The following DIP2C variants were observed in gnomAD, a reference collection of about 807,000 sequenced individuals.
DIP2C encodes DIP2 acetate--CoA ligase C (putative).
A neutral mutation model predicts 192.4 loss-of-function variants in DIP2C; 33 were observed. The ratio of observed to expected loss-of-function variants is 0.17; its 90% CI spans 0.13 to 0.23. The LOEUF (loss-of-function observed/expected upper bound fraction) is 0.23. Ranked by LOEUF, DIP2C falls within the 10% of genes least tolerant of loss-of-function variation. The pLI, the probability that DIP2C is intolerant of heterozygous loss-of-function variation, is 1.00. For missense variants in DIP2C, 1,537 were observed against 2,110.1 expected, an observed-to-expected ratio of 0.73 and a Z score of 5.32; for synonymous variants, 979 against 864.1, an observed-to-expected ratio of 1.13 and a Z score of -2.33.
chr10:671,599 G>A (rs1259939430), intron 1 of DIP2C, among the ~76,000 whole-genome samples: 4 of 77,322 alleles, frequency 5.2e-5, no homozygotes, highest in African/African-American at 2.5e-4. Context: ...CGTCACAGAC[G>A]CACCGACGGA....
chr10:612,951 T>C (rs1853200863), intron 1 of DIP2C, among the ~76,000 whole-genome samples: 1 of 152,096 alleles, frequency 6.6e-6, no homozygotes, highest in African/African-American at 2.4e-5. Flanking sequence ...CCGGCCCCCC[T>C]CCCAGTGGGT....
intron 17 of DIP2C, among the ~76,000 whole-genome samples, chr10:374,178 TAC>T (rs1159936365): frequency 6.6e-6 from 1 of 152,364 alleles, no homozygotes; most frequent in African/African-American, 2.4e-5. Flanking sequence ...TGTTTAGTAA[TAC>T]AAATATAAGA....
intron 1 of DIP2C, among the ~76,000 whole-genome samples, chr10:573,776 A>G (rs1418102140): frequency 6.6e-6 from 1 of 152,188 alleles, no homozygotes; most frequent in Non-Finnish European, 1.5e-5. Context: ...AAAAAAAAAG[A>G]ACAAGTAATT....
At chr10:526,885 C>T (rs978907932) in intron 1 of DIP2C, among the ~76,000 whole-genome samples, 1 of 152,224 alleles carries the variant, frequency 6.6e-6, no homozygotes, top group African/African-American at 2.4e-5. Flanking sequence ...GTCCCTGGTG[C>T]CATCATGGAT....
At chr10:505,561 C>T (rs191098860) in intron 1 of DIP2C, among the ~76,000 whole-genome samples, 8 of 152,130 alleles carry the variant, frequency 5.3e-5, no homozygotes, top group Admixed American at 2.0e-4. Context: ...GCCTGCCCAG[C>T]GGTGCTTCCT....
chr10:524,732 T>C (rs996244076), intron 1 of DIP2C, among the ~76,000 whole-genome samples: 6 of 152,218 alleles, frequency 3.9e-5, no homozygotes, highest in African/African-American at 1.2e-4. Flanking sequence ...AGAGATTCTA[T>C]AACTTGCTAC....
intron 1 of DIP2C, among the ~76,000 whole-genome samples, chr10:590,965 C>G (rs1208819924): frequency 1.3e-5 from 2 of 152,196 alleles, no homozygotes; most frequent in Admixed American, 1.3e-4. Context: ...GGTTCTTCTG[C>G]CGGTGGCAAG....
chr10:544,971 T>C (rs138831323), intron 1 of DIP2C, among the ~76,000 whole-genome samples: 122 of 152,240 alleles, frequency 8.0e-4, no homozygotes, highest in African/African-American at 2.8e-3. Flanking sequence ...TAAGGAACCA[T>C]TGCTTAATTC....
intron 22 of DIP2C, among the ~76,000 whole-genome samples, chr10:361,295 G>A (rs1959463485): frequency 6.6e-6 from 1 of 152,152 alleles, no homozygotes; most frequent in Admixed American, 6.6e-5. Context: ...CTAAGGAAGA[G>A]GGCTTTCTGC....
intron 34 of DIP2C, among the ~76,000 whole-genome samples, chr10:283,825 T>C (rs1954961757): frequency 6.6e-6 from 1 of 151,970 alleles, no homozygotes; most frequent in Non-Finnish European, 1.5e-5. Flanking sequence ...CTGAAAAGCT[T>C]TGAGATTTCT....
At chr10:596,693 T>C (rs1181203977) in intron 1 of DIP2C, among the ~76,000 whole-genome samples, 10 of 152,006 alleles carry the variant, frequency 6.6e-5, no homozygotes, top group African/African-American at 2.2e-4. Flanking sequence ...GTGAATGGAA[T>C]CGGCATAGGG....
intron 29 of DIP2C, among the ~76,000 whole-genome samples, chr10:339,524 C>T (rs143082211): frequency 3.2e-4 from 48 of 152,288 alleles, no homozygotes; most frequent in African/African-American, 1.1e-3. Context: ...GGGAGCCAGG[C>T]TTGGTAAGCC....
chr10:421,995 G>A (rs1966219180), intron 5 of DIP2C, among the ~76,000 whole-genome samples: 1 of 152,186 alleles, frequency 6.6e-6, no homozygotes, highest in African/African-American at 2.4e-5. Context: ...TGGGGTGTCT[G>A]TGGGCTATTT....
intron 2 of DIP2C, among the ~76,000 whole-genome samples, chr10:478,747 C>G (rs1843366405): frequency 6.6e-6 from 1 of 151,060 alleles, no homozygotes; most frequent in Non-Finnish European, 1.5e-5. Flanking sequence ...ATCCAAATTC[C>G]CGTCTTATTC....
chr10:361,028 C>T (rs537052292), intron 22 of DIP2C, among the ~76,000 whole-genome samples: 4 of 152,266 alleles, frequency 2.6e-5, no homozygotes, highest in Middle Eastern at 6.8e-3. Context: ...GGGCAGGGGA[C>T]GTCTGCTAAG....
chr10:377,471 G>A (rs1480172838), intron 17 of DIP2C, among the ~76,000 whole-genome samples: 1 of 152,222 alleles, frequency 6.6e-6, no homozygotes, highest in African/African-American at 2.4e-5. Context: ...TAACTCTCAT[G>A]GTCTGGGTCA....
At chr10:289,597 C>T (rs1187657938) in intron 32 of DIP2C, among the ~76,000 whole-genome samples, 1 of 152,144 alleles carries the variant, frequency 6.6e-6, no homozygotes, top group African/African-American at 2.4e-5. Context: ...ACCAAGAACC[C>T]ACTCTTATGC....
intron 1 of DIP2C, among the ~76,000 whole-genome samples, chr10:501,453 G>C (rs937558415): frequency 6.6e-6 from 1 of 152,010 alleles, no homozygotes; most frequent in Non-Finnish European, 1.5e-5. Context: ...GTTTATGTAA[G>C]CACATATGTA....
rs1313134787 is a variant in DIP2C at position 341,245 on chromosome 10, G to A, written c.3538C>T (p.Leu1180=). 1.9e-6 allele frequency: 3 copies of A among 1,614,198 alleles called. No homozygotes were observed. Among genetic ancestry groups the A allele is most frequent in the Non-Finnish European group, 2.5e-6 (3 of 1,180,040 alleles). ...LYPSREVAIC[L]DPYCGLGFVL... ...AATCCCAGTCCACAGTAAGGGTCCA[G>A]GCAGATGGCCACTTCTCTAGAGGGG... The change falls in exon 29 of 37, where the codon CTG becomes TTG. Residue 1180 remains leucine, a synonymous_variant. Transcript: ENST00000280886.
Sources: allele counts gnomAD v4.1 joint callset (sites outside exome capture counted in the v4.1 genomes callset), GRCh38; gene constraint gnomAD v4.1.1; transcripts MANE v1.5; gene names NCBI Gene and HGNC (gene_info 2026-07-23, HGNC 2026-07-21).